MAP7: variants seen among roughly 807,000 people sequenced by gnomAD.
The protein encoded by MAP7 is microtubule associated protein 7.
In MAP7, 52 loss-of-function variants were observed where a neutral mutation model predicts 94.8. The ratio of observed to expected loss-of-function variants is 0.55; its 90% confidence interval spans 0.44 to 0.69. MAP7 has a LOEUF of 0.69. MAP7 is among the 30% of genes least tolerant of loss of function. The pLI is 0.00. For synonymous variants in MAP7, 350 were observed against 357.0 expected (o/e 0.98, Z 0.22); for missense variants, 940 against 964.6 (o/e 0.97, Z 0.34).
intron 6 of MAP7, among the ~76,000 whole-genome samples, 195 bp from the exon 7 acceptor site, chr6:136,378,063 C>T (rs1459230381): frequency 6.6e-6 from 1 of 152,234 alleles, no homozygotes; most frequent in Non-Finnish European, 1.5e-5. Flanking sequence ...TGCTTTTCTT[C>T]AAGATGTTAA....
intron 1 of MAP7, among the ~76,000 whole-genome samples, chr6:136,489,228 AC>A (rs1815751998): frequency 6.6e-6 from 1 of 152,096 alleles, no homozygotes; most frequent in African/African-American, 2.4e-5. Flanking sequence ...GGGAAGGGGA[AC>A]CAATGCATGT....
At chr6:136,492,784 C>A (rs1469062092) in intron 1 of MAP7, among the ~76,000 whole-genome samples, 2 of 152,140 alleles carry the variant, frequency 1.3e-5, no homozygotes, top group African/African-American at 4.8e-5. Flanking sequence ...ATGATATATT[C>A]ATTCAAAGTA....
At chr6:136,500,401 C>T (rs890485976) in intron 1 of MAP7, among the ~76,000 whole-genome samples, 1 of 152,162 alleles carries the variant, frequency 6.6e-6, no homozygotes. Context: ...TAATATTTGA[C>T]TTGTTTTTTA....
intron 1 of MAP7, among the ~76,000 whole-genome samples, chr6:136,499,732 C>T (rs186773084): frequency 1.0e-3 from 159 of 152,236 alleles, no homozygotes; most frequent in African/African-American, 3.7e-3. Context: ...GGTGCAGTGG[C>T]TCACAGCTGT....
intron 1 of MAP7, among the ~76,000 whole-genome samples, chr6:136,521,000 T>C (rs1826256102): frequency 6.6e-6 from 1 of 152,188 alleles, no homozygotes; most frequent in African/African-American, 2.4e-5. Context: ...TACGGTAATG[T>C]AGATAACTGA....
chr6:136,374,319 A>C (rs758655168), intron 7 of MAP7, among the ~76,000 whole-genome samples: 2 of 152,218 alleles, frequency 1.3e-5, no homozygotes, highest in Non-Finnish European at 1.5e-5. Flanking sequence ...CAAGCGCCAC[A>C]ACAAGGCATT....
chr6:136,417,755 G>C (rs532188145), intron 2 of MAP7, among the ~76,000 whole-genome samples: 7 of 152,270 alleles, frequency 4.6e-5, no homozygotes, highest in Admixed American at 3.9e-4. Flanking sequence ...CACCATGGCA[G>C]CTACAGTCAT....
chr6:136,369,305 G>A (rs1562321702), intron 8 of MAP7, among the ~76,000 whole-genome samples: 2 of 152,306 alleles, frequency 1.3e-5, no homozygotes, highest in South Asian at 2.1e-4. Flanking sequence ...TGGGCACTAC[G>A]ACTCATGTCT....
In MAP7 at chr6:136,361,146, A is replaced by G; in HGVS notation, c.1560T>C (p.Ala520=). ...CCTCACGGCGAGTCGTCCTCTCTTC[A>G]GCCACACGTTGAGCCAATTCCTCTC... ...QKREELAQRV[A]EERTTRREEE... is the part of the protein sequence containing the mutation. The change falls in exon 12 of 18, where the codon GCT becomes GCC. Residue 520 remains alanine, a synonymous_variant. Transcript: ENST00000354570. 1 of 1,604,908 alleles carries G rather than the reference A, an allele frequency of 6.2e-7. No homozygotes were observed.
intron 1 of MAP7, among the ~76,000 whole-genome samples, chr6:136,493,946 G>T (rs1262090660): frequency 6.6e-6 from 1 of 152,108 alleles, no homozygotes; most frequent in Non-Finnish European, 1.5e-5. Flanking sequence ...TGTAAAATGG[G>T]GAAGGCACAA....
chr6:136,505,554 T>C (rs540984039), intron 1 of MAP7, among the ~76,000 whole-genome samples: 1 of 151,916 alleles, frequency 6.6e-6, no homozygotes, highest in African/African-American at 2.4e-5. Flanking sequence ...GCATCTGAGA[T>C]TATTTTCAAG....
chr6:136,510,569 G>A (rs1356766218), intron 1 of MAP7, among the ~76,000 whole-genome samples: 1 of 152,068 alleles, frequency 6.6e-6, no homozygotes, highest in Non-Finnish European at 1.5e-5. Flanking sequence ...CAGGTAGGAG[G>A]ATGAGCTCAC....
chr6:136,523,657 C>T (rs1827041746), intron 1 of MAP7, among the ~76,000 whole-genome samples: 1 of 152,172 alleles, frequency 6.6e-6, no homozygotes, highest in South Asian at 2.1e-4. Context: ...TGGTGATCCA[C>T]AGAAAGTTTG....
chr6:136,543,895 T>G (rs1829519852), intron 1 of MAP7, among the ~76,000 whole-genome samples: 1 of 151,952 alleles, frequency 6.6e-6, no homozygotes, highest in Non-Finnish European at 1.5e-5. Context: ...AAAAAGAAAA[T>G]AAAAGAAAAT....
intron 1 of MAP7, among the ~76,000 whole-genome samples, chr6:136,455,151 C>T (rs1462470978): frequency 1.3e-5 from 2 of 151,820 alleles, no homozygotes; most frequent in South Asian, 2.1e-4. Flanking sequence ...GAATATTAGA[C>T]ATGTGCTTCC....
intron 3 of MAP7, among the ~76,000 whole-genome samples, chr6:136,409,560 C>A (rs1786719209): frequency 6.6e-6 from 1 of 152,064 alleles, no homozygotes; most frequent in South Asian, 2.1e-4. Context: ...GTCTTTTTTC[C>A]ACCTGTTCTT....
chr6:136,350,951 C>T (rs1789008785), intron 16 of MAP7, among the ~76,000 whole-genome samples: 1 of 152,068 alleles, frequency 6.6e-6, no homozygotes, highest in African/African-American at 2.4e-5. Flanking sequence ...GGGATCAGTG[C>T]TAGGTTTAGT....
intron 15 of MAP7, among the ~76,000 whole-genome samples, chr6:136,357,818 T>A (rs1791442344): frequency 6.6e-6 from 1 of 152,152 alleles, no homozygotes; most frequent in African/African-American, 2.4e-5. Flanking sequence ...ACAATGTTAT[T>A]TTACAACCTG....
chr6:136,377,058 G>A (rs571579813), intron 7 of MAP7, among the ~76,000 whole-genome samples: 1 of 147,974 alleles, frequency 6.8e-6, no homozygotes, highest in East Asian at 1.9e-4. Context: ...TAGGCTTACC[G>A]ACTAGATGTA....
Sources: gnomAD v4.1 joint callset for allele counts (sites outside exome capture counted in the v4.1 genomes callset) on GRCh38, gnomAD v4.1.1 for gene constraint, MANE v1.5 for transcripts, NCBI Gene and HGNC (gene_info 2026-07-23, HGNC 2026-07-21) for gene names.